CIRSR: variants seen among roughly 807,000 people sequenced by gnomAD.
The protein encoded by CIRSR is corepressor of RBPJ and splicing regulator, also known as CBF1 (RBPJ) interacting corepressor 1.
the CIRSR span, among the ~76,000 whole-genome samples, chr2:174,393,703 A>C: frequency 6.6e-6 from 1 of 151,944 alleles, no homozygotes; most frequent in Admixed American, 6.6e-5. Flanking sequence ...AAAAAAAAAA[A>C]AACTTTACTG....
chr2:174,367,663 G>A, the CIRSR span, among the ~76,000 whole-genome samples: 1 of 147,602 alleles, frequency 6.8e-6, no homozygotes, highest in Non-Finnish European at 1.5e-5. Flanking sequence ...GATAGCTTAA[G>A]CCTAGGAGTT....
chr2:174,377,841 A>C, the CIRSR span, among the ~76,000 whole-genome samples: 13 of 151,526 alleles, frequency 8.6e-5, no homozygotes, highest in African/African-American at 2.9e-4. Context: ...AAAAAAAAAA[A>C]AAAAAACCAA....
At chr2:174,374,770 G>A in the CIRSR span, among the ~76,000 whole-genome samples, 2 of 152,174 alleles carry the variant, frequency 1.3e-5, no homozygotes, top group Non-Finnish European at 2.9e-5. Flanking sequence ...CTATACGAAA[G>A]GTTATTCCTT....
At chr2:174,350,782 C>A in the CIRSR span, 1 of 1,432,196 alleles carries the variant, frequency 7.0e-7, no homozygotes, top group South Asian at 1.3e-5. Flanking sequence ...TGCTAGATTT[C>A]AACACAAGGT....
chr2:174,389,893 G>A, the CIRSR span, among the ~76,000 whole-genome samples: 1 of 152,238 alleles, frequency 6.6e-6, no homozygotes, highest in African/African-American at 2.4e-5. Flanking sequence ...CACGTGCGCA[G>A]AAGGCAAGAA....
the CIRSR span, among the ~76,000 whole-genome samples, chr2:174,392,552 G>T: frequency 6.6e-6 from 1 of 152,146 alleles, no homozygotes; most frequent in Admixed American, 6.5e-5. Flanking sequence ...GGTGAAAGAT[G>T]ATGAGGGTCT....
chr2:174,385,657 G>A, the CIRSR span, among the ~76,000 whole-genome samples: 1 of 152,056 alleles, frequency 6.6e-6, no homozygotes, highest in Non-Finnish European at 1.5e-5. Flanking sequence ...GTTGGTGCAT[G>A]TTAAATGGAT....
the CIRSR span, among the ~76,000 whole-genome samples, chr2:174,349,447 C>T: frequency 6.6e-6 from 1 of 151,608 alleles, no homozygotes; most frequent in African/African-American, 2.4e-5. Flanking sequence ...TGCCTGTAAT[C>T]CCAGCTACTC....
the CIRSR span, among the ~76,000 whole-genome samples, chr2:174,386,549 T>C: frequency 6.6e-6 from 1 of 152,184 alleles, no homozygotes; most frequent in Non-Finnish European, 1.5e-5. Flanking sequence ...TGTGTGGAGC[T>C]GTCCTGTGCA....
chr2:174,380,910 T>G, the CIRSR span: 1 of 951,114 alleles, frequency 1.1e-6, no homozygotes, highest in South Asian at 1.8e-5. Flanking sequence ...ATCATGTTAT[T>G]TAATTGTCAC....
At chr2:174,393,174 A>T in the CIRSR span, among the ~76,000 whole-genome samples, 1 of 152,230 alleles carries the variant, frequency 6.6e-6, no homozygotes, top group Non-Finnish European at 1.5e-5. Context: ...AATTGTCAAT[A>T]GCCAGTTTAT....
At chr2:174,354,425 T>G in the CIRSR span, among the ~76,000 whole-genome samples, 1 of 61,786 alleles carries the variant, frequency 1.6e-5, no homozygotes, top group Non-Finnish European at 3.1e-5. Context: ...ATAATATATA[T>G]TATATGATAT....
the CIRSR span, among the ~76,000 whole-genome samples, chr2:174,352,894 CTGGT>C: frequency 6.6e-6 from 1 of 152,172 alleles, no homozygotes; most frequent in South Asian, 2.1e-4. Context: ...CTTTAGTTTG[CTGGT>C]TGAATACTTT....
chr2:174,372,513 A>G, the CIRSR span, among the ~76,000 whole-genome samples: 2 of 152,250 alleles, frequency 1.3e-5, no homozygotes, highest in African/African-American at 4.8e-5. Flanking sequence ...AGAAATCTTC[A>G]TATCATTTAA....
chr2:174,358,654 C>A, the CIRSR span: 1 of 152,646 alleles, frequency 6.6e-6, no homozygotes, highest in Non-Finnish European at 1.5e-5. Flanking sequence ...CATAGCCCTA[C>A]AAGACTACAA....
chr2:174,361,706 CTTAGT>C, the CIRSR span, among the ~76,000 whole-genome samples: 147 of 152,128 alleles, frequency 9.7e-4, no homozygotes, highest in African/African-American at 3.4e-3. Context: ...ATAAAACTTC[CTTAGT>C]TTAAATTGTT....
chr2:174,373,546 A>C, the CIRSR span, among the ~76,000 whole-genome samples: 1 of 152,250 alleles, frequency 6.6e-6, no homozygotes, highest in African/African-American at 2.4e-5. Context: ...ATTACCTGTA[A>C]TTTCACCTAA....
At chr2:174,387,752 A>G in the CIRSR span, 1 of 1,598,280 alleles carries the variant, frequency 6.3e-7, no homozygotes, top group Non-Finnish European at 8.5e-7. Context: ...TTCTTATCAT[A>G]TGATATTTTC....
At chr2:174,363,925 C>T in the CIRSR span, among the ~76,000 whole-genome samples, 1 of 152,222 alleles carries the variant, frequency 6.6e-6, no homozygotes, top group Non-Finnish European at 1.5e-5. Flanking sequence ...CCCAATCTCA[C>T]ATCCTCACAT....
Sources: gnomAD v4.1 joint callset for allele counts (sites outside exome capture counted in the v4.1 genomes callset) on GRCh38, gnomAD v4.1.1 for gene constraint, MANE v1.5 for transcripts, NCBI Gene and HGNC (gene_info 2026-07-23, HGNC 2026-07-21) for gene names.